The following MYO1E variants were observed in gnomAD, a reference collection of about 807,000 sequenced individuals.
MYO1E encodes unconventional myosin-Ie.
MYO1E carries 68 observed loss-of-function variants against 151.1 expected under a neutral mutation model. The observed-to-expected ratio is 0.45, with a 90% CI of 0.37 to 0.55. The LOEUF (loss-of-function observed/expected upper bound fraction) is 0.55. Ranked by LOEUF, MYO1E falls within the 20% of genes least tolerant of loss-of-function variation. The pLI, the probability that MYO1E is intolerant of heterozygous loss-of-function variation, is 0.00. For missense variants in MYO1E, 1,363 were observed against 1,389.3 expected, an observed-to-expected ratio of 0.98 and a Z score of 0.30; for synonymous variants, 601 against 501.7, an observed-to-expected ratio of 1.20 and a Z score of -2.64.
chr15:59,201,740 CTTAA>C (rs1405325630), intron 16 of MYO1E, among the ~76,000 whole-genome samples: 1 of 152,182 alleles, frequency 6.6e-6, no homozygotes, highest in African/African-American at 2.4e-5. Flanking sequence ...AGTGTAAACT[CTTAA>C]TTCAGTGTAA....
chr15:59,232,411 C>T (rs1204647863), intron 5 of MYO1E, among the ~76,000 whole-genome samples: 3 of 152,192 alleles, frequency 2.0e-5, no homozygotes, highest in Non-Finnish European at 4.4e-5. Flanking sequence ...CTGGTTTTGC[C>T]AGCACTGATA....
chr15:59,134,219 AGTGGGGAGTCAG>A lies in MYO1E; in HGVS notation c.*3149_*3160del, dbSNP rs2079359410. 6.6e-6 allele frequency: 1 copy of A among 152,350 alleles called. No homozygotes were observed. Among genetic ancestry groups the A allele is most frequent in the African/African-American group, 2.4e-5 (1 of 41,434 alleles). The allele number at this position is 152,350 out of a possible 1,614,324, so 9.4% of individuals were successfully genotyped here. ...CCTTCATTGGGCTGGACTTGGTAGT[AGTGGGGAGTCAG>A]GTTTGATTACGATGGGCTGGGACCA... On this transcript the variant is annotated 3_prime_UTR_variant, in exon 28 of 28. Coordinates refer to ENST00000288235, the MANE Select transcript of MYO1E (RefSeq NM_004998.4).
chr15:59,281,148 A>T (rs1358227816), intron 1 of MYO1E, among the ~76,000 whole-genome samples: 1 of 152,208 alleles, frequency 6.6e-6, no homozygotes, highest in East Asian at 1.9e-4. Flanking sequence ...TTCAGCCTAC[A>T]GGTTCTTTCA....
At chr15:59,189,656 A>T (rs576046807) in intron 17 of MYO1E, among the ~76,000 whole-genome samples, 2 of 152,120 alleles carry the variant, frequency 1.3e-5, no homozygotes, top group East Asian at 3.9e-4. Context: ...CTCTCTGCAA[A>T]CTCCGCCTTG....
At chr15:59,322,254 C>A (rs1452476870) in intron 1 of MYO1E, among the ~76,000 whole-genome samples, 1 of 151,700 alleles carries the variant, frequency 6.6e-6, no homozygotes. Flanking sequence ...ATGACAGTAC[C>A]CCAAACCTCA....
intron 17 of MYO1E, among the ~76,000 whole-genome samples, chr15:59,191,119 T>C (rs2079730297): frequency 6.6e-6 from 1 of 152,016 alleles, no homozygotes; most frequent in Non-Finnish European, 1.5e-5. Context: ...GAGCCAGAAA[T>C]GTTGATTCCT....
intron 2 of MYO1E, among the ~76,000 whole-genome samples, chr15:59,267,892 T>G (rs2080265915): frequency 6.6e-6 from 1 of 152,232 alleles, no homozygotes; most frequent in African/African-American, 2.4e-5. Context: ...ATAGGGAGTT[T>G]TATTGGTAAA....
intron 1 of MYO1E, among the ~76,000 whole-genome samples, chr15:59,366,371 C>T (rs2080913732): frequency 6.6e-6 from 1 of 151,220 alleles, no homozygotes; most frequent in Admixed American, 6.6e-5. Context: ...TCACTGCATA[C>T]TTGAACTCCT....
rs1216192978 is a variant in MYO1E, at chr15:59,178,404, C to T, written c.2038G>A (p.Ala680Thr). The change falls in exon 19 of 28, where the codon GCC becomes ACC. Residue 680 changes from alanine to threonine, a missense_variant. By Grantham distance (58) the Ala-to-Thr change is moderately conservative. Coordinates refer to ENST00000288235, the MANE Select transcript of MYO1E (RefSeq NM_004998.4). The stretch of plus-strand genomic sequence containing the variant: ...AGCCAAGCACTCACAGACTCGGGGG[C>T]TTTGATGAACACTTTACTCCTCCCC... ...QLGRSKVFIK[A>T]PESLFLLEEM... is the part of the protein sequence containing the mutation. 1 of 1,614,210 alleles carries T rather than the reference C, an allele frequency of 6.2e-7. No individual in the cohort carries two copies.
intron 1 of MYO1E, among the ~76,000 whole-genome samples, chr15:59,273,446 C>T (rs1242268576): frequency 4.6e-5 from 7 of 152,064 alleles, no homozygotes; most frequent in African/African-American, 1.4e-4. Flanking sequence ...TTGAAGGACA[C>T]CTAGATAATG....
At chr15:59,173,416 T>C (rs925993480) in intron 21 of MYO1E, among the ~76,000 whole-genome samples, 7 of 150,342 alleles carry the variant, frequency 4.7e-5, no homozygotes, top group Admixed American at 2.0e-4. Context: ...ACTGTATTAC[T>C]ATCGAAAATT....
At chr15:59,251,187 T>G (rs565522244) in intron 4 of MYO1E, among the ~76,000 whole-genome samples, 2 of 152,262 alleles carry the variant, frequency 1.3e-5, no homozygotes, top group South Asian at 2.1e-4. Flanking sequence ...AGCAACCAAA[T>G]TCAACATGAC....
At chr15:59,361,841 T>C (rs2080887083) in intron 1 of MYO1E, among the ~76,000 whole-genome samples, 1 of 152,020 alleles carries the variant, frequency 6.6e-6, no homozygotes, top group South Asian at 2.1e-4. Context: ...TATTAATTAA[T>C]TTATTTATTT....
chr15:59,232,374 G>A (rs754727339), intron 5 of MYO1E, among the ~76,000 whole-genome samples: 1 of 152,224 alleles, frequency 6.6e-6, no homozygotes, highest in Non-Finnish European at 1.5e-5. Flanking sequence ...CCAAGAATCT[G>A]CATTTGTAGC....
chr15:59,372,489 C>G lies in MYO1E; in HGVS notation c.3+9G>C. ...TCCGGCGTCCTAGGACGCGGCGCGG[C>G]CAACTCACCATGGTGACTCGCGCCG... On this transcript the variant is annotated intron_variant, in intron 1 of 27. Transcript: ENST00000288235. 3.9e-6 allele frequency: 6 copies of G among 1,539,300 alleles called. No individual in the cohort carries two copies. The highest frequency in any genetic ancestry group is 5.2e-6 in the Non-Finnish European group (6 of 1,145,046).
At chr15:59,241,901 A>G (rs1424842633) in intron 4 of MYO1E, among the ~76,000 whole-genome samples, 8 of 149,516 alleles carry the variant, frequency 5.4e-5, no homozygotes, top group Non-Finnish European at 7.4e-5. Context: ...CCTGGGTAAC[A>G]AAGTGAGATC....
chr15:59,204,345 T>G (rs996039977), intron 15 of MYO1E, among the ~76,000 whole-genome samples: 1 of 152,212 alleles, frequency 6.6e-6, no homozygotes, highest in African/African-American at 2.4e-5. Flanking sequence ...AGGAAACTCT[T>G]GCTTTGCTTT....
At chr15:59,207,480 C>G in intron 14 of MYO1E, 2 of 1,614,022 alleles carry the variant, frequency 1.2e-6, no homozygotes, top group Non-Finnish European at 1.7e-6. Flanking sequence ...GCCCCCACTG[C>G]AAACTGATTA....
rs1029148247 is a variant in MYO1E at position 59,372,857 on chromosome 15, C to G, written c.-357G>C. On this transcript the variant is annotated 5_prime_UTR_variant, in exon 1 of 28. Coordinates refer to ENST00000288235, the MANE Select transcript of MYO1E (RefSeq NM_004998.4). ...TTCTTCGGCCACTTAATCCGTACTC[C>G]TCTGGCTGAGTCTCGGCTCGGGCCG... The G allele has an allele frequency of 1.9e-5, 7 of 364,690 alleles. No homozygotes were observed. Among genetic ancestry groups the G allele is most frequent in the South Asian group, 8.7e-5 (2 of 22,964 alleles). The allele number at this position is 364,690 out of a possible 1,614,324, so 22.6% of individuals were successfully genotyped here.
Sources: gnomAD v4.1 joint callset for allele counts (sites outside exome capture counted in the v4.1 genomes callset) on GRCh38, gnomAD v4.1.1 for gene constraint, MANE v1.5 for transcripts, NCBI Gene and HGNC (gene_info 2026-07-23, HGNC 2026-07-21) for gene names.